RTL9: variants seen among roughly 807,000 people sequenced by gnomAD.
RTL9 encodes the protein retrotransposon Gag-like protein 9.
In RTL9, 19 loss-of-function variants were observed where a neutral mutation model predicts 44.7. The observed-to-expected ratio is 0.42, with a 90% CI of 0.30 to 0.62. The LOEUF is 0.62. RTL9 is among the 20% of genes least tolerant of loss of function. RTL9 has a pLI of 0.16. For missense variants in RTL9, 1,105 were observed against 1,080.6 expected, an observed-to-expected ratio of 1.02 and a Z score of -0.32; for synonymous variants, 407 against 398.9, an observed-to-expected ratio of 1.02 and a Z score of -0.24.
At chrX:110,450,835 C>A in exon 1 of RTL9, 1 of 1,211,563 alleles carries the variant, frequency 8.3e-7, no homozygotes, top group African/African-American at 1.7e-5. Flanking sequence ...GTCTTTGACA[C>A]CATGTCTGCA....
At chrX:110,415,444 G>T, upstream of RTL9, among the ~76,000 whole-genome samples, 1 of 111,837 alleles carries the variant, frequency 8.9e-6, no homozygotes, top group East Asian at 2.8e-4. Context: ...TTTTCAAAAT[G>T]TTCTTTAGTG....
intron 1 of RTL9, among the ~76,000 whole-genome samples, chrX:110,419,438 C>T (rs1343562946): frequency 3.6e-5 from 4 of 112,515 alleles, no homozygotes; most frequent in African/African-American, 1.3e-4. Flanking sequence ...TCCTCTCTTA[C>T]ATTTCTTTTA....
chrX:110,435,298 C>T (rs2068830582), intron 1 of RTL9, among the ~76,000 whole-genome samples: 1 of 111,561 alleles, frequency 9.0e-6, no homozygotes, highest in Admixed American at 9.4e-5. Context: ...CTAACAAAAC[C>T]TAATAAATTA....
chrX:110,455,458 C>A (rs906915971), exon 2 of RTL9: 1 of 753,571 alleles, frequency 1.3e-6, no homozygotes, highest in Non-Finnish European at 1.9e-6. Flanking sequence ...CACATCCCAC[C>A]TTACCTCTCA....
intron 1 of RTL9, among the ~76,000 whole-genome samples, chrX:110,443,631 A>G (rs1459364162): frequency 8.9e-6 from 1 of 112,264 alleles, no homozygotes; most frequent in East Asian, 2.8e-4. Flanking sequence ...AGTCTACATT[A>G]TTACCAGTTA....
intron 1 of RTL9, among the ~76,000 whole-genome samples, chrX:110,369,373 C>T (rs769383500): frequency 8.1e-5 from 9 of 111,175 alleles, no homozygotes; most frequent in Non-Finnish European, 1.7e-4. Flanking sequence ...AAGATTTTTG[C>T]CAAGGGTCCT....
At position 110,371,218 on chromosome X, in the gene RTL9, C is replaced by T. The variant is rs144972100; in HGVS notation, c.-168+12302C>T. On this transcript the variant is annotated intron_variant, in intron 1 of 2. Coordinates refer to the RTL9 transcript ENST00000520821. The stretch of plus-strand genomic sequence containing the variant: ...CCTTCTTCATCCTCTTTGTGTACCC[C>T]CCGAGACTGACCTTTATAGACTGCA... 9.8e-3 allele frequency among the ~76,000 whole-genome samples: 1,076 copies of T among 110,209 alleles called. 19 individuals carry two copies. Among genetic ancestry groups the T allele is most frequent in the African/African-American group, 0.034 (1,021 of 30,282 alleles).
intron 1 of RTL9, among the ~76,000 whole-genome samples, chrX:110,394,483 T>C (rs1254259303): frequency 1.8e-5 from 2 of 112,545 alleles, no homozygotes; most frequent in Non-Finnish European, 3.8e-5. Context: ...TGGATCTTTA[T>C]TTAGAAGTTT....
intron 1 of RTL9, among the ~76,000 whole-genome samples, chrX:110,380,801 A>G (rs2068413495): frequency 8.9e-6 from 1 of 112,172 alleles, no homozygotes; most frequent in Non-Finnish European, 1.9e-5. Context: ...CACACCTACA[A>G]CCAACTAGTC....
At position 110,454,298 on chromosome X, in the gene RTL9, C is replaced by T. The variant is rs778634780; in HGVS notation, c.3681C>T (p.Asp1227=). ...TGAGAAGATCCCAGGGCATATATGA[C>T]TCCCTATCTGAGATAGACATCCTCA... The change falls in exon 1 of 2, where the codon GAC becomes GAT. Residue 1227 remains aspartate, a synonymous_variant. Transcript: ENST00000540313. 9 of 1,210,333 alleles carry T rather than the reference C, an allele frequency of 7.4e-6. No individual in the cohort carries two copies. In the Middle Eastern group the frequency reaches 6.9e-4, roughly 92 times the overall value.
chrX:110,418,375 G>A (rs2068693056), upstream of RTL9, among the ~76,000 whole-genome samples: 2 of 112,221 alleles, frequency 1.8e-5, no homozygotes, highest in East Asian at 2.8e-4. Context: ...TGAGAGCTGC[G>A]GTGAATACAA....
At chrX:110,447,762 T>C (rs1468317877), upstream of RTL9, among the ~76,000 whole-genome samples, 1 of 110,614 alleles carries the variant, frequency 9.0e-6, no homozygotes, top group African/African-American at 3.3e-5. Flanking sequence ...TTATGAGGTT[T>C]ATAACGACCT....
chrX:110,377,880 G>A (rs1462733724), intron 1 of RTL9, among the ~76,000 whole-genome samples: 1 of 107,792 alleles, frequency 9.3e-6, no homozygotes, highest in East Asian at 2.9e-4. Context: ...GTGGTAGCGG[G>A]CCCCTGTAGT....
chrX:110,433,480 C>G, intron 1 of RTL9, among the ~76,000 whole-genome samples: 1 of 111,178 alleles, frequency 9.0e-6, no homozygotes, highest in Non-Finnish European at 1.9e-5. Context: ...TGAGGAAGGG[C>G]AGGGAGATGG....
intron 1 of RTL9, among the ~76,000 whole-genome samples, chrX:110,360,567 T>C (rs910449930): frequency 9.0e-6 from 1 of 111,618 alleles, no homozygotes; most frequent in African/African-American, 3.3e-5. Flanking sequence ...AATTGCATAA[T>C]GGAGAGTAGA....
At chrX:110,367,755 T>C (rs1413311987) in intron 1 of RTL9, among the ~76,000 whole-genome samples, 3 of 110,628 alleles carry the variant, frequency 2.7e-5, no homozygotes, top group Non-Finnish European at 5.7e-5. Flanking sequence ...CTTGACTCCC[T>C]TTTTCTCTCA....
At chrX:110,408,396 G>C (rs1194520739) in intron 1 of RTL9, among the ~76,000 whole-genome samples, 1 of 112,519 alleles carries the variant, frequency 8.9e-6, no homozygotes, top group Non-Finnish European at 1.9e-5. Context: ...GGGGATGCTA[G>C]ATGTTCTCCA....
intron 1 of RTL9, among the ~76,000 whole-genome samples, chrX:110,373,719 T>C (rs900495739): frequency 1.2e-4 from 13 of 112,044 alleles, no homozygotes; most frequent in African/African-American, 4.2e-4. Flanking sequence ...AAATGTTGTA[T>C]GTTTGAAGGT....
At position 110,365,943 on chromosome X, in the gene RTL9, C is replaced by G. The variant is rs192395488; in HGVS notation, c.-168+7027C>G. 5.5e-4 allele frequency among the ~76,000 whole-genome samples: 62 copies of G among 111,779 alleles called. No homozygotes were observed. The Admixed American group carries it at 5.9e-3, about 11-fold the overall frequency. ...AAAATATAACATCAGGAAACTTCAG[C>G]TGAATGAAAACTAGGGAATTAGCTG... On this transcript the variant is annotated intron_variant, in intron 1 of 2. Coordinates refer to the RTL9 transcript ENST00000520821.
Sources: gnomAD v4.1 joint callset for allele counts (sites outside exome capture counted in the v4.1 genomes callset) on GRCh38, gnomAD v4.1.1 for gene constraint, MANE v1.5 for transcripts, NCBI Gene and HGNC (gene_info 2026-07-23, HGNC 2026-07-21) for gene names.